Variants in RNF213 observed in about 807,000 individuals in gnomAD.
RNF213 encodes the protein ring finger protein 213, also known as E3 ubiquitin-protein ligase RNF213.
A neutral mutation model predicts 514.4 loss-of-function variants in RNF213; 341 were observed. The ratio of observed to expected loss-of-function variants is 0.66; its 90% CI spans 0.61 to 0.73. The LOEUF (loss-of-function observed/expected upper bound fraction) is 0.73, where lower values mean the gene tolerates loss of function less well. Among genes scored for constraint, RNF213 ranks in the 30% least tolerant of loss-of-function variants. The pLI is 0.00. For missense variants in RNF213, 5,767 were observed against 6,615.6 expected (o/e 0.87, Z 4.45); for synonymous variants, 2,655 against 2,658.2 (o/e 1.00, Z 0.04).
chr17:80,285,014 C>A (rs75626741), intron 3 of RNF213, among the ~76,000 whole-genome samples: 1 of 152,126 alleles, frequency 6.6e-6, no homozygotes, highest in South Asian at 2.1e-4. Flanking sequence ...ACCATGCAGC[C>A]GATAACAGGG....
In RNF213 at chr17:80,375,880, C is replaced by T. The variant is rs374752661; in HGVS notation, c.13185+10C>T. The T allele has an allele frequency of 3.8e-5, 58 of 1,544,898 alleles. No individual in the cohort carries two copies. Among genetic ancestry groups the T allele is most frequent in the South Asian group, 2.0e-4 (18 of 89,636 alleles). On this transcript the variant is annotated intron_variant, in intron 51 of 67. Transcript: ENST00000582970. ...CCACCCCACGCCAGAGGTGAGTAAC[C>T]GCCTGCAGGGCTGTGTTCAAAGTCT...
At chr17:80,370,138 A>C (rs2079458324) in intron 46 of RNF213, among the ~76,000 whole-genome samples, 1 of 152,170 alleles carries the variant, frequency 6.6e-6, no homozygotes, top group Admixed American at 6.5e-5. Context: ...GGGACATGGA[A>C]CTCAAGAGGC....
rs2078595005 is a variant in RNF213 at position 80,353,182 on chromosome 17, C to G, written c.10423+123C>G. 3.7e-6 allele frequency: 5 copies of G among 1,339,132 alleles called. No homozygotes were observed. The highest frequency in any genetic ancestry group is 2.3e-5 in the East Asian group (1 of 42,768). 83.0% of individuals were successfully genotyped at this position (1,339,132 alleles called of 1,614,324 possible). A position where few individuals can be genotyped will look rare whatever the true frequency, so the allele number is the denominator to read the frequency against. ...CGTGTTTCGTCCCTCGGCAGGAGCT[C>G]GGGGACACATCTGCAGAACTGACTG... On this transcript the variant is annotated intron_variant, in intron 33 of 67. Transcript: ENST00000582970. This position sits in a 1 kb window ranked among gnomAD's most constrained non-coding sequence, Gnocchi z 5.0.
At chr17:80,292,110 A>G in intron 8 of RNF213, 1 of 486,344 alleles carries the variant, frequency 2.1e-6, no homozygotes, top group Non-Finnish European at 3.8e-6. Context: ...TTGTTTTCTG[A>G]GACAGAGTCT....
chr17:80,261,642 A>G (rs539466554), intron 1 of RNF213, among the ~76,000 whole-genome samples: 206 of 152,368 alleles, frequency 1.4e-3, no homozygotes, highest in Non-Finnish European at 2.6e-3. Context: ...GAGAAAAGAC[A>G]GGAAGCGGAT....
chr17:80,346,701 C>T lies in RNF213; in HGVS notation c.8366C>T (p.Pro2789Leu), dbSNP rs747282369. Residue 2789 changes from proline to leucine, a missense_variant, in exon 29 of 68, where the codon CCG becomes CTG. This residue lies in a region of RNF213 where 105 missense variants were observed against 183.9 expected (regional missense o/e 0.57). Transcript: ENST00000582970. The surrounding 1 kb of genome is among the most constrained non-coding windows in gnomAD (Gnocchi z 8.1). ...KTIVADAMQG[P>L]AAYSDLFRSL... ...ATCGTGGCAGACGCCATGCAGGGCCCGGCTGCCTACTCAGATCTCTTCCGC... is the reference window on the plus strand; with the variant it reads ...ATCGTGGCAGACGCCATGCAGGGCCTGGCTGCCTACTCAGATCTCTTCCGC... The T allele has an allele frequency of 3.4e-5, 54 of 1,610,948 alleles. No individual in the cohort carries two copies. Among genetic ancestry groups the T allele is most frequent in the Non-Finnish European group, 3.7e-5 (44 of 1,179,974 alleles).
intron 50 of RNF213, chr17:80,375,203 CT>C (rs1368373124): frequency 1.1e-5 from 2 of 177,248 alleles, no homozygotes; most frequent in African/African-American, 4.8e-5. Context: ...ATTAAGCTGG[CT>C]GCTAAATATG....
In RNF213 at chr17:80,263,912, C is replaced by A; in HGVS notation, c.97+134C>A. ...CCGAGGTCCTCTGTGGCTACTGAGG[C>A]TCTGTGGCTCTGAATAGCCATCTCA... On this transcript the variant is annotated intron_variant, in intron 2 of 67. Coordinates refer to ENST00000582970, the MANE Select transcript of RNF213 (RefSeq NM_001256071.3). This position sits in a 1 kb window ranked among gnomAD's most constrained non-coding sequence, Gnocchi z 4.9. 1 of 691,852 alleles carries A rather than the reference C, an allele frequency of 1.4e-6. No homozygotes were observed. The highest frequency in any genetic ancestry group is 2.6e-6 in the Non-Finnish European group (1 of 390,796). 42.9% of individuals were successfully genotyped at this position (691,852 alleles called of 1,614,324 possible). A position where few individuals can be genotyped will look rare whatever the true frequency, so the allele number is the denominator to read the frequency against.
Position 80,343,272 on chromosome 17 carries a change from G to A in RNF213, c.6130G>A (p.Asp2044Asn). The A allele has an allele frequency of 6.2e-7, 1 of 1,613,716 alleles. No individual in the cohort carries two copies. Among genetic ancestry groups the A allele is most frequent in the Non-Finnish European group, 8.5e-7 (1 of 1,179,864 alleles). ...CCTGGGCGCCCTGCTGCCCTTCCTG[G>A]ATGCGCAGTATCAGAAGGTCCCCGT... ...RVLGALLPFL[D>N]AQYQKVPVLF... The change falls in exon 27 of 68, where the codon GAT becomes AAT. Residue 2044 changes from aspartate (D) to asparagine (N), a missense_variant. Around this residue, in one of 13 missense-constraint regions of RNF213, gnomAD observed 1,377 missense variants for 1,635.2 expected, o/e 0.84. Coordinates refer to ENST00000582970, the MANE Select transcript of RNF213 (RefSeq NM_001256071.3). The surrounding 1 kb of genome is among the most constrained non-coding windows in gnomAD (Gnocchi z 4.3).
rs371695657 is a variant in RNF213 at position 80,319,326 on chromosome 17, C to G, written c.3024+14C>G. 1 of 1,614,086 alleles carries G rather than the reference C, an allele frequency of 6.2e-7. No homozygotes were observed. The highest frequency in any genetic ancestry group is 8.5e-7 in the Non-Finnish European group (1 of 1,180,046). ...TCAGCCTGCCAGGTGAACAATCTCT[C>G]CTCCTGGGAAACGGATTCGGGCTCA... On this transcript the variant is annotated intron_variant, in intron 17 of 67. Coordinates refer to ENST00000582970, the MANE Select transcript of RNF213 (RefSeq NM_001256071.3).
intron 26 of RNF213, chr17:80,340,659 C>T: frequency 3.4e-6 from 1 of 298,188 alleles, no homozygotes; most frequent in Non-Finnish European, 5.8e-6. Flanking sequence ...CTTGCTCTGT[C>T]ACCCAGGCTG....
chr17:80,290,153 G>A (rs937658352), intron 6 of RNF213, among the ~76,000 whole-genome samples: 1 of 152,250 alleles, frequency 6.6e-6, no homozygotes, highest in Non-Finnish European at 1.5e-5. Flanking sequence ...TGGGCAGGGA[G>A]TGGCCACCTC....
chr17:80,302,952 A>G (rs1421026833), intron 11 of RNF213, among the ~76,000 whole-genome samples: 1 of 152,226 alleles, frequency 6.6e-6, no homozygotes, highest in African/African-American at 2.4e-5. Flanking sequence ...ATGACCACAG[A>G]TTAACCCTTC....
At chr17:80,335,190 A>C (rs2077953178) in intron 22 of RNF213, among the ~76,000 whole-genome samples, 2 of 152,074 alleles carry the variant, frequency 1.3e-5, no homozygotes, top group Non-Finnish European at 2.9e-5. Flanking sequence ...CCCAAAGTGC[A>C]GGCGTGAGCA....
Position 80,346,462 on chromosome 17 carries a change from G to A in RNF213, c.8127G>A (p.Arg2709=). ...KKDSYRKAIA[R]FFPKPYDDSR... is the part of the protein sequence containing the mutation. ...ACTCATATCGGAAAGCCATCGCCAG[G>A]TTCTTTCCGAAACCGTATGACGACA... The change falls in exon 29 of 68, where the codon AGG becomes AGA. Residue 2709 remains arginine (R), a synonymous_variant. Transcript: ENST00000582970. This position sits in a 1 kb window ranked among gnomAD's most constrained non-coding sequence, Gnocchi z 8.1. 1 of 1,613,878 alleles carries A rather than the reference G, an allele frequency of 6.2e-7. No individual in the cohort carries two copies.
intron 2 of RNF213, 44 bp from the exon 3 acceptor site, chr17:80,273,197 C>G (rs201079508): frequency 1.2e-6 from 2 of 1,610,802 alleles, no homozygotes; most frequent in South Asian, 1.1e-5. Flanking sequence ...TCCTAACACT[C>G]GCTTCTCTCT....
At chr17:80,386,596 C>T in intron 62 of RNF213, 94 bp from the exon 63 acceptor site, 1 of 1,490,562 alleles carries the variant, frequency 6.7e-7, no homozygotes, top group South Asian at 1.1e-5. Flanking sequence ...TCCACTGCTC[C>T]AACTGTGAGA....
chr17:80,358,265 C>T (rs779250073), intron 36 of RNF213, 23 bp from the exon 37 acceptor site: 2 of 1,611,936 alleles, frequency 1.2e-6, no homozygotes, highest in Admixed American at 1.7e-5. Flanking sequence ...CCCGTGGTGG[C>T]CCATCTCTCT....
At chr17:80,274,864 GGT>G (rs1366943259) in intron 3 of RNF213, among the ~76,000 whole-genome samples, 3 of 99,538 alleles carry the variant, frequency 3.0e-5, no homozygotes, top group African/African-American at 1.3e-4. Context: ...TGTGTTGGGG[GGT>G]GTGTGAGTGG....
Sources: gnomAD v4.1 joint callset for allele counts (sites outside exome capture counted in the v4.1 genomes callset) on GRCh38, gnomAD v4.1.1 for gene constraint, gnomAD v4.1.1 regional missense constraint, Gnocchi (gnomAD v3.1) non-coding constraint, MANE v1.5 for transcripts, NCBI Gene and HGNC (gene_info 2026-07-23, HGNC 2026-07-21) for gene names.